DIAPH3: variants seen among roughly 807,000 people sequenced by gnomAD.
DIAPH3 encodes protein diaphanous homolog 3.
DIAPH3 carries 117 observed loss-of-function variants against 144.3 expected under a neutral mutation model. The ratio of observed to expected loss-of-function variants is 0.81; its 90% confidence interval spans 0.70 to 0.95. The LOEUF is 0.95. Among genes scored for constraint, DIAPH3 ranks in the 40% least tolerant of loss-of-function variants. The pLI is 0.00. For synonymous variants in DIAPH3, 519 were observed against 488.9 expected (o/e 1.06, Z -0.81); for missense variants, 1,421 against 1,412.7 (o/e 1.01, Z -0.09).
intron 27 of DIAPH3, among the ~76,000 whole-genome samples, chr13:59,690,878 A>G (rs1254351263): frequency 1.3e-5 from 2 of 152,210 alleles, no homozygotes; most frequent in Non-Finnish European, 2.9e-5. Flanking sequence ...TATCAGAGAG[A>G]AACAAATTAT....
At chr13:60,101,885 C>A (rs1366944785) in intron 3 of DIAPH3, among the ~76,000 whole-genome samples, 1 of 152,148 alleles carries the variant, frequency 6.6e-6, no homozygotes, top group African/African-American at 2.4e-5. Flanking sequence ...TCTTCCAATG[C>A]AGGCCACTGT....
At chr13:59,819,367 G>T (rs1041151401) in intron 24 of DIAPH3, among the ~76,000 whole-genome samples, 1 of 151,702 alleles carries the variant, frequency 6.6e-6, no homozygotes, top group African/African-American at 2.4e-5. Context: ...CTTTTGCCTT[G>T]GAGATTTCCC....
intron 3 of DIAPH3, 60 bp from the exon 4 acceptor site, chr13:60,093,792 G>A (rs1200434280): frequency 4.7e-6 from 5 of 1,066,500 alleles, no homozygotes; most frequent in Non-Finnish European, 7.3e-6. Flanking sequence ...AATTCTACAT[G>A]CACTACAAAT....
intron 27 of DIAPH3, among the ~76,000 whole-genome samples, chr13:59,759,490 C>T (rs1323869028): frequency 3.3e-5 from 5 of 152,308 alleles, no homozygotes; most frequent in Non-Finnish European, 5.9e-5. Context: ...ACTTGTATTA[C>T]TTCATCCCAT....
At chr13:60,067,192 A>C (rs1468450547) in intron 4 of DIAPH3, among the ~76,000 whole-genome samples, 1 of 151,966 alleles carries the variant, frequency 6.6e-6, no homozygotes, top group Non-Finnish European at 1.5e-5. Flanking sequence ...GGCTAAGGTG[A>C]AAGGATTGCT....
chr13:59,924,709 A>G (rs896737509), intron 18 of DIAPH3, 66 bp downstream of exon 18: 80 of 1,554,960 alleles, frequency 5.1e-5, no homozygotes, highest in Non-Finnish European at 6.9e-5. Flanking sequence ...TCGGTCTTAA[A>G]GAAAATGAAA....
chr13:60,083,021 C>A lies in DIAPH3; in HGVS notation c.495+10607G>T, dbSNP rs1327924895. ...CAAAAAGAACAGTAAGTATCCTTGGCCCTCAGCTTGTAAACTTTGAAATAT... is the reference window on the plus strand; with the variant it reads ...CAAAAAGAACAGTAAGTATCCTTGGACCTCAGCTTGTAAACTTTGAAATAT... On this transcript the variant is annotated intron_variant, in intron 4 of 27. Transcript: ENST00000400324. Among the ~76,000 whole-genome samples the A allele has an allele frequency of 3.3e-5, 5 of 151,956 alleles. No homozygotes were observed. The East Asian group carries it at 7.7e-4, about 23-fold the overall frequency.
chr13:60,154,111 A>G (rs563967088), intron 1 of DIAPH3, among the ~76,000 whole-genome samples: 20 of 152,284 alleles, frequency 1.3e-4, no homozygotes, highest in African/African-American at 4.3e-4. Context: ...AGCCTGGTTC[A>G]ATTAAGTTTT....
intron 27 of DIAPH3, among the ~76,000 whole-genome samples, chr13:59,723,558 G>A (rs966443229): frequency 8.6e-5 from 13 of 151,632 alleles, no homozygotes; most frequent in Admixed American, 5.9e-4. Context: ...CTGTTTTGTC[G>A]TACACTGTCT....
intron 24 of DIAPH3, among the ~76,000 whole-genome samples, chr13:59,832,680 A>C (rs1248194427): frequency 1.3e-5 from 2 of 151,838 alleles, no homozygotes; most frequent in African/African-American, 4.8e-5. Flanking sequence ...AACCTATTCA[A>C]AGGCAAATTG....
chr13:59,936,493 A>G (rs998334123), intron 17 of DIAPH3, among the ~76,000 whole-genome samples: 2 of 152,164 alleles, frequency 1.3e-5, no homozygotes, highest in Admixed American at 6.6e-5. Context: ...AGATGAAACA[A>G]CTTTTTAAAT....
intron 17 of DIAPH3, among the ~76,000 whole-genome samples, chr13:59,963,038 C>T (rs1373588155): frequency 2.0e-5 from 3 of 151,966 alleles, no homozygotes; most frequent in African/African-American, 7.3e-5. Flanking sequence ...GTTCAGACCC[C>T]AGAATTCTAT....
intron 27 of DIAPH3, among the ~76,000 whole-genome samples, chr13:59,759,424 C>G (rs867428147): frequency 6.6e-6 from 1 of 152,126 alleles, no homozygotes; most frequent in Non-Finnish European, 1.5e-5. Flanking sequence ...GCAGAAGACA[C>G]AGAGTTAATT....
intron 22 of DIAPH3, among the ~76,000 whole-genome samples, chr13:59,845,833 C>T (rs1268373772): frequency 6.6e-6 from 1 of 152,156 alleles, no homozygotes; most frequent in Non-Finnish European, 1.5e-5. Flanking sequence ...ATCTGTCTTC[C>T]TCTCCCAAAT....
chr13:59,760,129 T>C (rs2037502355), intron 27 of DIAPH3, among the ~76,000 whole-genome samples: 1 of 152,198 alleles, frequency 6.6e-6, no homozygotes, highest in Non-Finnish European at 1.5e-5. Flanking sequence ...CACTATGCCC[T>C]TCACTTTTTT....
At chr13:59,921,133 TAA>T (rs58061987) in intron 18 of DIAPH3, among the ~76,000 whole-genome samples, 6 of 138,526 alleles carry the variant, frequency 4.3e-5, no homozygotes, top group Non-Finnish European at 3.1e-5. Flanking sequence ...ATGTCTACAC[TAA>T]AAAAAAAAAA....
intron 17 of DIAPH3, among the ~76,000 whole-genome samples, chr13:59,946,857 G>GA (rs1333825889): frequency 3.3e-5 from 5 of 151,980 alleles, no homozygotes; most frequent in Non-Finnish European, 7.4e-5. Flanking sequence ...TACGATAAGG[G>GA]AAAAAAACTC....
chr13:60,113,406 C>T (rs1208819479), intron 2 of DIAPH3, among the ~76,000 whole-genome samples: 1 of 152,130 alleles, frequency 6.6e-6, no homozygotes, highest in Non-Finnish European at 1.5e-5. Flanking sequence ...AGGATTTCTT[C>T]AAATAATGAG....
At chr13:59,861,262 T>C (rs765298208) in intron 22 of DIAPH3, 145 bp downstream of exon 22, 2 of 1,537,342 alleles carry the variant, frequency 1.3e-6, no homozygotes, top group South Asian at 2.4e-5. Context: ...CATAATATCC[T>C]ACAACTCTCT....
Sources: allele counts gnomAD v4.1 joint callset (sites outside exome capture counted in the v4.1 genomes callset), GRCh38; gene constraint gnomAD v4.1.1; transcripts MANE v1.5; gene names NCBI Gene and HGNC (gene_info 2026-07-23, HGNC 2026-07-21).